PEX14: variants seen among roughly 807,000 people sequenced by gnomAD.
PEX14 encodes peroxisomal membrane protein PEX14.
Under a neutral mutation model 49.5 loss-of-function variants are expected in PEX14, and 15 were observed. The observed-to-expected ratio is 0.30, with a 90% CI of 0.20 to 0.47. The LOEUF (loss-of-function observed/expected upper bound fraction) is 0.47, where lower values mean the gene tolerates loss of function less well. PEX14 is among the 20% of genes least tolerant of loss of function. PEX14 has a pLI of 1.00. For synonymous variants in PEX14, 210 were observed against 212.7 expected (o/e 0.99, Z 0.11); for missense variants, 398 against 494.8 (o/e 0.80, Z 1.86).
At chr1:10,626,020 G>A (rs1371738327) in intron 7 of PEX14, among the ~76,000 whole-genome samples, 1 of 152,216 alleles carries the variant, frequency 6.6e-6, no homozygotes, top group Non-Finnish European at 1.5e-5. Flanking sequence ...TTTCTCAGCT[G>A]TAATGTAAGT....
chr1:10,479,806 T>C (rs528811457), intron 1 of PEX14, among the ~76,000 whole-genome samples: 43 of 152,310 alleles, frequency 2.8e-4, no homozygotes, highest in African/African-American at 9.6e-4. Flanking sequence ...TTTCTGAGTA[T>C]GTTTTCTCCT....
chr1:10,543,373 A>T (rs1413437655), intron 3 of PEX14, among the ~76,000 whole-genome samples: 3 of 151,966 alleles, frequency 2.0e-5, no homozygotes, highest in African/African-American at 7.3e-5. Context: ...TGATCTCATG[A>T]TTCACCTGTC....
chr1:10,587,920 T>TTTTTTTA (rs1453146872), intron 3 of PEX14, among the ~76,000 whole-genome samples: 1 of 64,074 alleles, frequency 1.6e-5, no homozygotes, highest in African/African-American at 6.7e-5. Flanking sequence ...TTTTTTTTTT[T>TTTTTTTA]AAAAAAAAAA....
chr1:10,578,388 G>A (rs1047102442), intron 3 of PEX14, among the ~76,000 whole-genome samples: 1 of 152,094 alleles, frequency 6.6e-6, no homozygotes, highest in Admixed American at 6.5e-5. Flanking sequence ...ATTTTCCCTA[G>A]GACTAAGGGC....
chr1:10,536,368 T>C, intron 3 of PEX14, 71 bp downstream of exon 3: 2 of 964,024 alleles, frequency 2.1e-6, no homozygotes, highest in Non-Finnish European at 3.4e-6. Flanking sequence ...GAAGCCACGG[T>C]GCAAGGCAGG....
chr1:10,625,254 G>A (rs542010966), intron 7 of PEX14, among the ~76,000 whole-genome samples: 105 of 152,220 alleles, frequency 6.9e-4, no homozygotes, highest in African/African-American at 2.5e-3. Context: ...CAGACAGACC[G>A]GGCCCAGGAG....
At chr1:10,564,713 C>T (rs984038343) in intron 3 of PEX14, among the ~76,000 whole-genome samples, 1 of 150,760 alleles carries the variant, frequency 6.6e-6, no homozygotes, top group African/African-American at 2.4e-5. Flanking sequence ...AGATTATAGG[C>T]ATGGGCCACT....
At chr1:10,553,287 T>G (rs10157111) in intron 3 of PEX14, among the ~76,000 whole-genome samples, 36,035 of 151,754 alleles carry the variant, frequency 0.24, 4,719 homozygotes, top group East Asian at 0.33. Context: ...CTGTCCAAAT[T>G]TTTGGCTTAG....
intron 4 of PEX14, among the ~76,000 whole-genome samples, chr1:10,608,452 A>G (rs1000418479): frequency 1.3e-5 from 2 of 152,168 alleles, no homozygotes; most frequent in African/African-American, 4.8e-5. Context: ...GCCTGAGCTC[A>G]GGAGTTCGAG....
At chr1:10,509,453 C>T (rs1003258753) in intron 2 of PEX14, among the ~76,000 whole-genome samples, 11 of 152,174 alleles carry the variant, frequency 7.2e-5, no homozygotes, top group African/African-American at 2.4e-4. Context: ...GTCCCCAGAG[C>T]CCCATTTGTA....
chr1:10,588,723 C>G (rs1640572749), intron 3 of PEX14, among the ~76,000 whole-genome samples: 1 of 152,032 alleles, frequency 6.6e-6, no homozygotes. Context: ...TGCTTGTGTT[C>G]AAGTAAGCTC....
intron 4 of PEX14, among the ~76,000 whole-genome samples, chr1:10,610,344 T>C (rs2124620398): frequency 7.1e-6 from 1 of 140,772 alleles, no homozygotes; most frequent in East Asian, 2.0e-4. Flanking sequence ...TACACAAATA[T>C]ATATAACTTT....
chr1:10,609,658 G>A (rs562349402), intron 4 of PEX14, among the ~76,000 whole-genome samples: 13 of 152,244 alleles, frequency 8.5e-5, no homozygotes, highest in Non-Finnish European at 1.8e-4. Flanking sequence ...GCTGAGGAGG[G>A]CGGATCACCT....
intron 3 of PEX14, among the ~76,000 whole-genome samples, chr1:10,571,775 C>T (rs1639985348): frequency 6.6e-6 from 1 of 152,120 alleles, no homozygotes; most frequent in African/African-American, 2.4e-5. Context: ...TGCCACTGCA[C>T]TCCAGCCCGG....
intron 3 of PEX14, among the ~76,000 whole-genome samples, chr1:10,538,264 C>CT (rs1638897979): frequency 6.6e-6 from 1 of 152,198 alleles, no homozygotes; most frequent in Non-Finnish European, 1.5e-5. Flanking sequence ...CAGAGTGTCT[C>CT]TAAGAGGGTG....
chr1:10,604,737 T>G (rs554759099), intron 4 of PEX14, among the ~76,000 whole-genome samples: 2 of 152,338 alleles, frequency 1.3e-5, no homozygotes, highest in East Asian at 3.9e-4. Context: ...AAAAGCACAG[T>G]GATGTTTTAC....
In PEX14 at chr1:10,587,303, A is replaced by C. The variant is rs924044922; in HGVS notation, c.170-11935A>C. 5.9e-5 allele frequency among the ~76,000 whole-genome samples: 9 copies of C among 152,046 alleles called. No homozygotes were observed. The South Asian group carries it at 1.9e-3, about 32-fold the overall frequency. On this transcript the variant is annotated intron_variant, in intron 3 of 8. Coordinates refer to ENST00000356607, the MANE Select transcript of PEX14 (RefSeq NM_004565.3). The stretch of plus-strand genomic sequence containing the variant: ...GAAACCCTGTATCTACAAAAATACA[A>C]AAATTAGCAGGGCTGGTGGCACACT...
At chr1:10,493,709 C>T (rs1045659490) in intron 1 of PEX14, among the ~76,000 whole-genome samples, 2 of 152,182 alleles carry the variant, frequency 1.3e-5, no homozygotes, top group Non-Finnish European at 2.9e-5. Context: ...ATTTACACCA[C>T]TCTTCCATGG....
In PEX14 at chr1:10,599,281, C is replaced by G. The variant is rs41274482; in HGVS notation, c.213C>G (p.Gly71=). 0.015 allele frequency: 24,649 copies of G among 1,613,366 alleles called. 294 individuals carry two copies. The highest frequency in any genetic ancestry group is 0.019 in the Non-Finnish European group (22,416 of 1,179,266). Residue 71 remains glycine, a synonymous_variant, in exon 4 of 9, where the codon GGC becomes GGG. Transcript: ENST00000356607. ...EEIDMAFQQS[G]TAADEPSSLG... ...TTGATATGGCCTTCCAGCAGTCGGGCACTGCTGCCGATGAGCCTTCGTCCT... is the reference window on the plus strand; with the variant it reads ...TTGATATGGCCTTCCAGCAGTCGGGGACTGCTGCCGATGAGCCTTCGTCCT...
Sources: allele counts gnomAD v4.1 joint callset (sites outside exome capture counted in the v4.1 genomes callset), GRCh38; gene constraint gnomAD v4.1.1; transcripts MANE v1.5; gene names NCBI Gene and HGNC (gene_info 2026-07-23, HGNC 2026-07-21).